The following HELZ variants were observed in gnomAD, a reference collection of about 807,000 sequenced individuals.
The protein encoded by HELZ is ATP-dependent RNA helicase with zinc finger domain.
A neutral mutation model predicts 218.2 loss-of-function variants in HELZ; 23 were observed. The observed-to-expected ratio is 0.11, with a 90% CI of 0.08 to 0.15. HELZ has a LOEUF of 0.15. Among genes scored for constraint, HELZ ranks in the 10% least tolerant of loss-of-function variants. The pLI is 1.00. For synonymous variants in HELZ, 814 were observed against 829.4 expected (o/e 0.98, Z 0.32); for missense variants, 1,813 against 2,353.7 (o/e 0.77, Z 4.75).
chr17:67,225,244 A>T (rs1409845586), intron 3 of HELZ: 1 of 243,268 alleles, frequency 4.1e-6, no homozygotes, highest in Non-Finnish European at 8.0e-6. Context: ...CAATGACCCT[A>T]TAAAGTAGAT....
intron 17 of HELZ, among the ~76,000 whole-genome samples, chr17:67,159,853 T>G (rs2038947550): frequency 6.6e-6 from 1 of 152,204 alleles, no homozygotes; most frequent in African/African-American, 2.4e-5. Context: ...ATTACCTGCA[T>G]GATCACAGCC....
chr17:67,122,936 G>C (rs2037661544), intron 26 of HELZ, 34 bp downstream of exon 26: 2 of 1,453,902 alleles, frequency 1.4e-6, no homozygotes, highest in Non-Finnish European at 1.9e-6. Context: ...TATTTTACTT[G>C]ATTCAATAGA....
rs987681782 is a variant in HELZ at position 67,148,449 on chromosome 17, A to T, written c.2621+120T>A. The T allele has an allele frequency of 6.6e-6, 5 of 757,348 alleles. No homozygotes were observed. The African/African-American group carries it at 8.8e-5, about 13-fold the overall frequency. 46.9% of individuals were successfully genotyped at this position (757,348 alleles called of 1,614,324 possible). On this transcript the variant is annotated intron_variant, in intron 20 of 32. Coordinates refer to ENST00000358691, the MANE Select transcript of HELZ (RefSeq NM_014877.4). Reference sequence around the variant, plus strand: ...CATAAAATTAAACATAATTTGCAAGACTAGGGACACTATGTAAGTGTGTTG... The same window carrying T: ...CATAAAATTAAACATAATTTGCAAGTCTAGGGACACTATGTAAGTGTGTTG...
chr17:67,086,631 AATATATAT>A lies in HELZ; in HGVS notation c.5494+190_5494+197del, dbSNP rs71139116. ...ATATATATAAATAAATATAAATATAAATATATATATATATATATATATATATATATATA... is the reference window on the plus strand; with the variant it reads ...ATATATATAAATAAATATAAATATAAATATATATATATATATATATATATA... On this transcript the variant is annotated intron_variant, in intron 32 of 32. Coordinates refer to ENST00000358691, the MANE Select transcript of HELZ (RefSeq NM_014877.4). Among the ~76,000 whole-genome samples, 53 of 93,294 alleles carry A rather than the reference AATATATAT, an allele frequency of 5.7e-4. 1 individual carries two copies. Among genetic ancestry groups the A allele is most frequent in the East Asian group, 1.7e-3 (7 of 4,108 alleles). The allele number at this position is 93,294 out of a possible 152,430, so 61.2% of individuals were successfully genotyped here.
Position 67,076,185 on chromosome 17 carries a change from G to A in HELZ, c.*2067C>T, listed in dbSNP as rs1372297566. On this transcript the variant is annotated 3_prime_UTR_variant, in exon 33 of 33. Coordinates refer to ENST00000358691, the MANE Select transcript of HELZ (RefSeq NM_014877.4). ...GTAGTCCTGTATATGGGGGCTGGGG[G>A]GTGGATAATCACTGATGGGAAAATT... 1 of 152,108 alleles carries A rather than the reference G, an allele frequency of 6.6e-6. No individual in the cohort carries two copies. Among genetic ancestry groups the A allele is most frequent in the Non-Finnish European group, 1.5e-5 (1 of 68,050 alleles). The allele number at this position is 152,108 out of a possible 1,614,324, so 9.4% of individuals were successfully genotyped here. A position where few individuals can be genotyped will look rare whatever the true frequency, so the allele number is the denominator to read the frequency against.
Position 67,075,535 on chromosome 17 carries a change from G to GT in HELZ, c.*2716dup, listed in dbSNP as rs1208655859. 2 of 152,138 alleles carry GT rather than the reference G, an allele frequency of 1.3e-5. No homozygotes were observed. Among genetic ancestry groups the GT allele is most frequent in the Admixed American group, 1.3e-4 (2 of 15,270 alleles). 9.4% of individuals were successfully genotyped at this position (152,138 alleles called of 1,614,324 possible). A position where few individuals can be genotyped will look rare whatever the true frequency, so the allele number is the denominator to read the frequency against. Reference sequence around the variant, plus strand: ...ATGGGTACTTGCTACTACTACTCAAGTAATACCCAAAGAACATCAGCTGTA... The same window carrying GT: ...ATGGGTACTTGCTACTACTACTCAAGTTAATACCCAAAGAACATCAGCTGTA... On this transcript the variant is annotated 3_prime_UTR_variant, in exon 33 of 33. Transcript: ENST00000358691.
At chr17:67,179,654 C>T (rs1209173148) in intron 12 of HELZ, 13 of 152,086 alleles carry the variant, frequency 8.5e-5, no homozygotes, top group Admixed American at 8.5e-4. Flanking sequence ...AACATAAACT[C>T]TGAGCACTGG....
At chr17:67,166,430 A>AT in intron 15 of HELZ, 48 bp downstream of exon 15, 1 of 1,510,244 alleles carries the variant, frequency 6.6e-7, no homozygotes, top group Non-Finnish European at 9.1e-7. Context: ...CAGATATTCA[A>AT]TTTAATATTA....
intron 27 of HELZ, among the ~76,000 whole-genome samples, 198 bp downstream of exon 27, chr17:67,120,207 T>C (rs1216398314): frequency 2.0e-5 from 3 of 151,814 alleles, no homozygotes; most frequent in African/African-American, 7.3e-5. Context: ...GATTTCACCG[T>C]GTTAGCCAGG....
chr17:67,078,434 T>C lies in HELZ; in HGVS notation c.5647A>G (p.Ser1883Gly), dbSNP rs2036083011. The C allele has an allele frequency of 6.3e-7, 1 of 1,595,992 alleles. No individual in the cohort carries two copies. Among genetic ancestry groups the C allele is most frequent in the African/African-American group, 1.4e-5 (1 of 73,816 alleles). ...TTGCCCCCCGCAGAGCTCTGGGGGC[T>C]ACTGCTATTGGCCGACTCCGCGATC... ...KQIAESANSS[S>G]PQSSAGGKPA... is the part of the protein sequence containing the mutation. Residue 1883 changes from serine to glycine, a missense_variant, in exon 33 of 33, where the codon AGC becomes GGC. Transcript: ENST00000358691.
chr17:67,128,925 T>A (rs944214836), intron 23 of HELZ, 70 bp from the exon 24 acceptor site: 12 of 1,179,672 alleles, frequency 1.0e-5, no homozygotes, highest in Non-Finnish European at 1.5e-5. Context: ...TATAAATAAC[T>A]AAAGATAATC....
At chr17:67,100,143 C>A (rs1346852256) in intron 31 of HELZ, among the ~76,000 whole-genome samples, 1 of 152,066 alleles carries the variant, frequency 6.6e-6, no homozygotes, top group Non-Finnish European at 1.5e-5. Context: ...TACATCTGTA[C>A]AATACTTTCC....
chr17:67,245,651 C>G (rs957241532), upstream of HELZ: 1 of 380,254 alleles, frequency 2.6e-6, no homozygotes, highest in Non-Finnish European at 3.6e-6. Flanking sequence ...CTTCAGAGGC[C>G]GCGCAGACCA....
intron 12 of HELZ, among the ~76,000 whole-genome samples, chr17:67,187,948 A>G (rs1343688180): frequency 6.6e-6 from 1 of 152,230 alleles, no homozygotes; most frequent in Non-Finnish European, 1.5e-5. Context: ...GGACATGAAA[A>G]TAAACATTGT....
chr17:67,195,533 G>C, intron 7 of HELZ, 63 bp from the exon 8 acceptor site: 1 of 887,934 alleles, frequency 1.1e-6, no homozygotes, highest in South Asian at 1.4e-5. Context: ...AACTAAACTT[G>C]AACATTTTCA....
rs1483691274 is a variant in HELZ, at chr17:67,075,139, T to A, written c.*3113A>T. ...ATCGTAACAAAAGACCATTTTTAGA[T>A]CATGAAAAGAATTTTTTCAGCATGA... On this transcript the variant is annotated 3_prime_UTR_variant, in exon 33 of 33. Coordinates refer to ENST00000358691, the MANE Select transcript of HELZ (RefSeq NM_014877.4). 6.6e-6 allele frequency: 1 copy of A among 152,050 alleles called. No individual in the cohort carries two copies. The highest frequency in any genetic ancestry group is 2.4e-5 in the African/African-American group (1 of 41,412). 9.4% of individuals were successfully genotyped at this position (152,050 alleles called of 1,614,324 possible). A position where few individuals can be genotyped will look rare whatever the true frequency, so the allele number is the denominator to read the frequency against.
intron 23 of HELZ, among the ~76,000 whole-genome samples, chr17:67,134,715 GATA>G (rs1432567374): frequency 6.6e-6 from 1 of 151,594 alleles, no homozygotes; most frequent in African/African-American, 2.4e-5. Flanking sequence ...CACAAAAATA[GATA>G]ATAAAGTGCT....
intron 3 of HELZ, 69 bp from the exon 4 acceptor site, chr17:67,218,891 C>T: frequency 1.8e-6 from 2 of 1,104,454 alleles, no homozygotes; most frequent in Non-Finnish European, 2.7e-6. Flanking sequence ...AGCCCCATTC[C>T]TATCTCAGCT....
intron 9 of HELZ, among the ~76,000 whole-genome samples, chr17:67,191,563 T>C (rs28651735): frequency 0.3 from 45,712 of 151,832 alleles, 9,211 homozygotes; most frequent in African/African-American, 0.58. Flanking sequence ...GGGATGCTCC[T>C]GCCTCAGCCT....
Sources: gnomAD v4.1 joint callset for allele counts (sites outside exome capture counted in the v4.1 genomes callset) on GRCh38, gnomAD v4.1.1 for gene constraint, MANE v1.5 for transcripts, NCBI Gene and HGNC (gene_info 2026-07-23, HGNC 2026-07-21) for gene names.